NDUFS7: variants seen among roughly 807,000 people sequenced by gnomAD.
NDUFS7 encodes the protein NADH:ubiquinone oxidoreductase core subunit S7.
A neutral mutation model predicts 31.1 loss-of-function variants in NDUFS7; 11 were observed. The observed-to-expected ratio is 0.35, with a 90% CI of 0.22 to 0.59. The LOEUF (loss-of-function observed/expected upper bound fraction) is 0.59. Among genes scored for constraint, NDUFS7 ranks in the 20% least tolerant of loss-of-function variants. The pLI, the probability that NDUFS7 is intolerant of heterozygous loss-of-function variation, is 0.79. For synonymous variants in NDUFS7, 136 were observed against 127.9 expected, an observed-to-expected ratio of 1.06 and a Z score of -0.43; for missense variants, 263 against 324.2, an observed-to-expected ratio of 0.81 and a Z score of 1.45.
Position 1,388,941 on chromosome 19 carries a change from G to A in NDUFS7, c.228+3G>A, listed in dbSNP as rs746339724. On this transcript the variant is annotated splice_donor_region_variant and intron_variant, in intron 4 of 7. Transcript: ENST00000233627. Reference sequence around the variant, plus strand: ...ACCTCGTCAACTGGGCCCGCCGGGTGAGTACTATGAGCTGTAGGCCCTCCT... The same window carrying A: ...ACCTCGTCAACTGGGCCCGCCGGGTAAGTACTATGAGCTGTAGGCCCTCCT... 3 of 1,600,830 alleles carry A rather than the reference G, an allele frequency of 1.9e-6. No homozygotes were observed.
chr19:1,388,100 A>T, intron 2 of NDUFS7: 3 of 607,030 alleles, frequency 4.9e-6, no homozygotes, highest in Non-Finnish European at 8.9e-6. Context: ...GTCAGAGCTC[A>T]CCGCCACCTG....
chr19:1,389,375 G>C (rs758005485), intron 4 of NDUFS7: 17 of 466,206 alleles, frequency 3.6e-5, no homozygotes, highest in Middle Eastern at 3.2e-4. Context: ...ATGTGTGCCT[G>C]TTGGCATGCA....
intron 1 of NDUFS7, 180 bp from the exon 2 acceptor site, chr19:1,387,631 A>C: frequency 1.6e-6 from 1 of 635,886 alleles, no homozygotes; most frequent in African/African-American, 1.8e-5. Context: ...AGTCTCAAGC[A>C]GGGGACTAAG....
chr19:1,388,602 G>A lies in NDUFS7; in HGVS notation c.122+9G>A, dbSNP rs750011146. On this transcript the variant is annotated intron_variant, in intron 3 of 7. Coordinates refer to ENST00000233627, the MANE Select transcript of NDUFS7 (RefSeq NM_024407.5). ...ACCGATGGCCCAAGCAGGTGAAGCT[G>A]GCCTTCTGGGGGAGGTCGTACCCCC... The A allele has an allele frequency of 9.9e-6, 16 of 1,611,266 alleles. No homozygotes were observed. The highest frequency in any genetic ancestry group is 1.7e-4 in the Middle Eastern group (1 of 5,844).
Position 1,390,983 on chromosome 19 carries a change from C to T in NDUFS7, c.341C>T (p.Pro114Leu), listed in dbSNP as rs928527862. 2.5e-6 allele frequency: 4 copies of T among 1,613,148 alleles called. No individual in the cohort carries two copies. The highest frequency in any genetic ancestry group is 1.6e-4 in the Middle Eastern group (1 of 6,062). ...TTTGGCGTGGTCTTCCGCGCCAGCC[C>T]GCGCCAGTCCGACGTCATGATCGTG... ...DRFGVVFRASPRQSDVMIVAG... is the reference protein window; with the variant it reads ...DRFGVVFRASLRQSDVMIVAG... The change falls in exon 5 of 8, where the codon CCG (proline) becomes CTG (leucine). Residue 114 changes from proline to leucine, a missense_variant. Physicochemically the swap from Pro to Leu is moderately conservative, Grantham distance 98 (BLOSUM62 -3). Coordinates refer to ENST00000233627, the MANE Select transcript of NDUFS7 (RefSeq NM_024407.5).
chr19:1,389,839 A>G, intron 4 of NDUFS7: 1 of 312,466 alleles, frequency 3.2e-6, no homozygotes, highest in South Asian at 2.8e-5. Context: ...ACGTCCTGCC[A>G]GGGCCGCAGT....
intron 2 of NDUFS7, chr19:1,388,088 C>T: frequency 1.6e-6 from 1 of 614,838 alleles, no homozygotes; most frequent in Non-Finnish European, 2.9e-6. Flanking sequence ...CGGCTCAGTG[C>T]CGTCAGAGCT....
At chr19:1,386,001 T>C (rs1718299352) in intron 1 of NDUFS7, among the ~76,000 whole-genome samples, 3 of 152,198 alleles carry the variant, frequency 2.0e-5, no homozygotes, top group African/African-American at 7.2e-5. Context: ...GCAGTTAGCC[T>C]GTCTGCTGTG....
At chr19:1,395,202 C>T (rs924106103) in intron 7 of NDUFS7, 189 bp from the exon 8 acceptor site, 1 of 1,426,448 alleles carries the variant, frequency 7.0e-7, no homozygotes, top group African/African-American at 1.4e-5. Flanking sequence ...AGGGGAGGAC[C>T]CCACTCTTCC....
At chr19:1,391,609 C>T (rs542440756) in intron 6 of NDUFS7, among the ~76,000 whole-genome samples, 1 of 151,208 alleles carries the variant, frequency 6.6e-6, no homozygotes, top group African/African-American at 2.4e-5. Context: ...GCCTCAGCCT[C>T]CCAAGTAGCT....
At chr19:1,384,871 G>C (rs965455639) in intron 1 of NDUFS7, among the ~76,000 whole-genome samples, 1 of 152,216 alleles carries the variant, frequency 6.6e-6, no homozygotes, top group South Asian at 2.1e-4. Flanking sequence ...GAGTGCAGTG[G>C]TGCCATCTTG....
rs373361036 is a variant in NDUFS7, at chr19:1,394,537, G to T, written c.545-854G>T. On this transcript the variant is annotated intron_variant, in intron 7 of 7. Coordinates refer to ENST00000233627, the MANE Select transcript of NDUFS7 (RefSeq NM_024407.5). ...GCTCCTCCCTCCCTCCCTGCGGACC[G>T]CGCTCCTCCCTCCCTGGGGACCGCG... 3.0e-5 allele frequency: 37 copies of T among 1,243,020 alleles called. No individual in the cohort carries two copies. In the African/African-American group the frequency reaches 4.7e-4, roughly 16 times the overall value. The allele number at this position is 1,243,020 out of a possible 1,614,324, so 77.0% of individuals were successfully genotyped here.
chr19:1,388,770 C>T lies in NDUFS7; in HGVS notation c.123-63C>T, dbSNP rs781216362. ...CTCTGGCAGCGGCCGTGGGGGCTCG[C>T]ATCCGCCTCTGGGAAGCACCTGCGT... On this transcript the variant is annotated intron_variant, in intron 3 of 7. Coordinates refer to ENST00000233627, the MANE Select transcript of NDUFS7 (RefSeq NM_024407.5). The T allele has an allele frequency of 4.6e-6, 7 of 1,519,664 alleles. No individual in the cohort carries two copies. In the East Asian group the frequency reaches 1.5e-4, roughly 32 times the overall value. 94.1% of individuals were successfully genotyped at this position (1,519,664 alleles called of 1,614,324 possible).
In NDUFS7 at chr19:1,395,488, GCGCCGCCGCCGC is replaced by G. The variant is rs3065757; in HGVS notation, c.*9_*20del. On this transcript the variant is annotated 3_prime_UTR_variant, in exon 8 of 8. Coordinates refer to ENST00000233627, the MANE Select transcript of NDUFS7 (RefSeq NM_024407.5). ...GGCTGCAGATCTGGTACCGCAGGTAGCGCCGCCGCCGCCGCCGCCGGAGCCTGTCGCCGTCCT... is the reference window on the plus strand; with the variant it reads ...GGCTGCAGATCTGGTACCGCAGGTAGCGCCGCCGGAGCCTGTCGCCGTCCT... The G allele has an allele frequency of 3.8e-6, 6 of 1,575,404 alleles. No homozygotes were observed. In the Admixed American group the frequency reaches 7.5e-5, roughly 20 times the overall value.
At chr19:1,389,194 T>C (rs1368226515) in intron 4 of NDUFS7, 6 of 689,422 alleles carry the variant, frequency 8.7e-6, no homozygotes, top group Non-Finnish European at 1.6e-5. Flanking sequence ...CACAAGCACA[T>C]GTGCACACAC....
At chr19:1,394,888 G>A (rs751974775) in intron 7 of NDUFS7, 104 of 1,119,304 alleles carry the variant, frequency 9.3e-5, no homozygotes, top group Admixed American at 9.4e-5. Flanking sequence ...GTGGCAGCCG[G>A]GACTGGGGGA....
chr19:1,394,478 C>T lies in NDUFS7; in HGVS notation c.545-913C>T. 3.2e-6 allele frequency: 4 copies of T among 1,233,678 alleles called. No homozygotes were observed. The South Asian group carries it at 5.3e-5, about 16-fold the overall frequency. 76.4% of individuals were successfully genotyped at this position (1,233,678 alleles called of 1,614,324 possible). A position where few individuals can be genotyped will look rare whatever the true frequency, so the allele number is the denominator to read the frequency against. ...CCTCCCTGCGGACTGTGCTCCCTGT[C>T]TGGGGACTGCGCTCCTCCCTCCTTG... On this transcript the variant is annotated intron_variant, in intron 7 of 7. Coordinates refer to ENST00000233627, the MANE Select transcript of NDUFS7 (RefSeq NM_024407.5).
At chr19:1,387,353 G>A (rs1201260690) in intron 1 of NDUFS7, among the ~76,000 whole-genome samples, 1 of 152,236 alleles carries the variant, frequency 6.6e-6, no homozygotes, top group African/African-American at 2.4e-5. Flanking sequence ...ACCGGGTGCC[G>A]GCAACCGGAG....
chr19:1,388,456 C>T, intron 2 of NDUFS7, 69 bp from the exon 3 acceptor site: 3 of 1,414,250 alleles, frequency 2.1e-6, no homozygotes, highest in South Asian at 2.3e-5. Context: ...GGCAGGACAA[C>T]AGTGAGTGCG....
Sources: gnomAD v4.1 joint callset for allele counts (sites outside exome capture counted in the v4.1 genomes callset) on GRCh38, gnomAD v4.1.1 for gene constraint, MANE v1.5 for transcripts, NCBI Gene and HGNC (gene_info 2026-07-23, HGNC 2026-07-21) for gene names.